ADAMTS12: variants seen among roughly 807,000 people sequenced by gnomAD.
The protein encoded by ADAMTS12 is ADAM metallopeptidase with thrombospondin type 1 motif 12.
A neutral mutation model predicts 167.8 loss-of-function variants in ADAMTS12; 118 were observed. The ratio of observed to expected loss-of-function variants is 0.70; its 90% CI spans 0.61 to 0.82. The LOEUF is 0.82. ADAMTS12 is among the 40% of genes least tolerant of loss of function. The pLI is 0.00. For synonymous variants in ADAMTS12, 704 were observed against 716.9 expected, an observed-to-expected ratio of 0.98 and a Z score of 0.29; for missense variants, 1,916 against 1,998.8, an observed-to-expected ratio of 0.96 and a Z score of 0.79.
chr5:33,794,087 C>G (rs1483354065), intron 2 of ADAMTS12, among the ~76,000 whole-genome samples: 1 of 152,172 alleles, frequency 6.6e-6, no homozygotes, highest in Non-Finnish European at 1.5e-5. Flanking sequence ...CAGGGAGCTC[C>G]CAGGGCCTTC....
At chr5:33,868,761 A>C (rs1749922039) in intron 2 of ADAMTS12, among the ~76,000 whole-genome samples, 1 of 152,214 alleles carries the variant, frequency 6.6e-6, no homozygotes, top group Admixed American at 6.5e-5. Flanking sequence ...AATGTCTTAA[A>C]CATTATGACA....
intron 5 of ADAMTS12, among the ~76,000 whole-genome samples, chr5:33,681,764 A>G (rs935406114): frequency 6.6e-6 from 1 of 152,184 alleles, no homozygotes; most frequent in African/African-American, 2.4e-5. Context: ...CAGAACCAGG[A>G]GAGAGATGTT....
At chr5:33,854,872 A>T (rs1749345540) in intron 2 of ADAMTS12, among the ~76,000 whole-genome samples, 1 of 152,194 alleles carries the variant, frequency 6.6e-6, no homozygotes, top group Non-Finnish European at 1.5e-5. Context: ...GGTCAGAGAG[A>T]ATTCCTCATC....
chr5:33,569,940 G>A (rs199556167), intron 19 of ADAMTS12, among the ~76,000 whole-genome samples: 4 of 152,354 alleles, frequency 2.6e-5, no homozygotes, highest in South Asian at 2.1e-4. Flanking sequence ...CAAGAACTAC[G>A]TGAAGAATGC....
intron 3 of ADAMTS12, among the ~76,000 whole-genome samples, chr5:33,707,248 A>G (rs754694740): frequency 7.2e-5 from 11 of 152,192 alleles, no homozygotes; most frequent in African/African-American, 2.4e-4. Context: ...CTTACAAGGG[A>G]TGTGAAGTAC....
At chr5:33,718,171 G>A (rs1743679382) in intron 3 of ADAMTS12, among the ~76,000 whole-genome samples, 1 of 152,158 alleles carries the variant, frequency 6.6e-6, no homozygotes, top group Non-Finnish European at 1.5e-5. Flanking sequence ...GATAAATAGG[G>A]CACTAAAGAT....
intron 3 of ADAMTS12, among the ~76,000 whole-genome samples, chr5:33,694,442 C>G (rs548397271): frequency 6.6e-6 from 1 of 152,052 alleles, no homozygotes; most frequent in South Asian, 2.1e-4. Flanking sequence ...GAAAAGTAGA[C>G]CTAGGGAAAC....
At chr5:33,728,171 G>A (rs557455280) in intron 3 of ADAMTS12, among the ~76,000 whole-genome samples, 1 of 152,154 alleles carries the variant, frequency 6.6e-6, no homozygotes. Context: ...TCCCCTAGAA[G>A]GAGGCCCAGT....
chr5:33,766,806 A>G (rs1745551101), intron 2 of ADAMTS12, among the ~76,000 whole-genome samples: 1 of 152,200 alleles, frequency 6.6e-6, no homozygotes, highest in Non-Finnish European at 1.5e-5. Flanking sequence ...CAATTACTCT[A>G]TCAATCTGGC....
At chr5:33,690,762 T>C (rs1452445718) in intron 3 of ADAMTS12, among the ~76,000 whole-genome samples, 8 of 152,192 alleles carry the variant, frequency 5.3e-5, no homozygotes, top group Admixed American at 3.3e-4. Context: ...AAACACATTA[T>C]TATTTTGTTA....
intron 23 of ADAMTS12, among the ~76,000 whole-genome samples, chr5:33,528,600 G>T (rs1189084527): frequency 6.6e-6 from 1 of 152,178 alleles, no homozygotes; most frequent in African/African-American, 2.4e-5. Context: ...AATGACGAAA[G>T]TAAGGCCTCA....
chr5:33,809,391 TGG>T (rs1747361859), intron 2 of ADAMTS12, among the ~76,000 whole-genome samples: 1 of 152,234 alleles, frequency 6.6e-6, no homozygotes, highest in African/African-American at 2.4e-5. Flanking sequence ...TCTTGTCTTG[TGG>T]CTTCTATTAT....
At chr5:33,825,047 T>C (rs779973064) in intron 2 of ADAMTS12, among the ~76,000 whole-genome samples, 3 of 152,178 alleles carry the variant, frequency 2.0e-5, no homozygotes, top group Non-Finnish European at 4.4e-5. Flanking sequence ...GAAATAAAAT[T>C]TGATATTAGC....
chr5:33,683,732 G>T, intron 4 of ADAMTS12, 127 bp downstream of exon 4: 1 of 553,114 alleles, frequency 1.8e-6, no homozygotes, highest in Non-Finnish European at 2.8e-6. Flanking sequence ...GCAGGTACTA[G>T]ATTCACATAT....
chr5:33,630,943 C>A (rs1299179392), intron 12 of ADAMTS12, 30 bp from the exon 13 acceptor site: 2 of 1,604,760 alleles, frequency 1.2e-6, no homozygotes, highest in Admixed American at 3.3e-5. Flanking sequence ...CAAAGCCTTG[C>A]AAATTAGCTT....
At position 33,751,437 on chromosome 5, in the gene ADAMTS12, G is replaced by C. The variant is rs1744973811; in HGVS notation, c.601C>G (p.Pro201Ala). The change falls in exon 3 of 24, where the codon CCA becomes GCA. Residue 201 changes from proline to alanine, a missense_variant. Physicochemically the swap from Pro to Ala is conservative, Grantham distance 27. Transcript: ENST00000504830. ...PHIVYRRQKV[P>A]ETKEPTCGLK... Reference sequence around the variant, plus strand: ...CCACAGGTTGGCTCCTTGGTTTCTGGAACTTTCTGCCTCCTGTAAACGATG... The same window carrying C: ...CCACAGGTTGGCTCCTTGGTTTCTGCAACTTTCTGCCTCCTGTAAACGATG... The C allele has an allele frequency of 6.2e-7, 1 of 1,614,020 alleles. No individual in the cohort carries two copies. The highest frequency in any genetic ancestry group is 1.1e-5 in the South Asian group (1 of 91,078).
chr5:33,634,887 G>A (rs1347904192), intron 12 of ADAMTS12, among the ~76,000 whole-genome samples: 1 of 151,796 alleles, frequency 6.6e-6, no homozygotes, highest in Non-Finnish European at 1.5e-5. Context: ...GTAGAGGCAG[G>A]GTCTTACTCT....
chr5:33,867,175 C>T (rs1409485595), intron 2 of ADAMTS12, among the ~76,000 whole-genome samples: 1 of 152,130 alleles, frequency 6.6e-6, no homozygotes, highest in Non-Finnish European at 1.5e-5. Flanking sequence ...TTTATTGCAG[C>T]ACAATCCACA....
intron 22 of ADAMTS12, among the ~76,000 whole-genome samples, chr5:33,539,096 C>G (rs926163849): frequency 1.3e-5 from 2 of 152,076 alleles, no homozygotes; most frequent in African/African-American, 2.4e-5. Flanking sequence ...CATGTACCAC[C>G]ATGCCTGACT....
Sources: allele counts gnomAD v4.1 joint callset (sites outside exome capture counted in the v4.1 genomes callset), GRCh38; gene constraint gnomAD v4.1.1; transcripts MANE v1.5; gene names NCBI Gene and HGNC (gene_info 2026-07-23, HGNC 2026-07-21).